The following CSTF3 variants were observed in gnomAD, a reference collection of about 807,000 sequenced individuals.
CSTF3 encodes the protein cleavage stimulation factor subunit 3.
Under a neutral mutation model 105.8 loss-of-function variants are expected in CSTF3, and 29 were observed. The ratio of observed to expected loss-of-function variants is 0.27; its 90% CI spans 0.20 to 0.37. The LOEUF is 0.37. Ranked by LOEUF, CSTF3 falls within the 10% of genes least tolerant of loss-of-function variation. The pLI, the probability that CSTF3 is intolerant of heterozygous loss-of-function variation, is 1.00. For missense variants in CSTF3, 357 were observed against 879.3 expected (o/e 0.41, Z 7.51); for synonymous variants, 252 against 281.9 (o/e 0.89, Z 1.06).
Position 33,112,713 on chromosome 11 carries a change from A to C in CSTF3, c.226-4295T>G, listed in dbSNP as rs151110798. On this transcript the variant is annotated intron_variant, in intron 3 of 20. Transcript: ENST00000323959. ...AAGATTATTATCCTATGTATTACTT[A>C]CTAATATTTACATGAAAACATCTTA... Among the ~76,000 whole-genome samples, 19 of 152,278 alleles carry C rather than the reference A, an allele frequency of 1.2e-4. No individual in the cohort carries two copies. The East Asian group carries it at 2.7e-3, about 22-fold the overall frequency.
Position 33,111,138 on chromosome 11 carries a change from G to A in CSTF3, c.226-2720C>T, listed in dbSNP as rs201774223. Among the ~76,000 whole-genome samples the A allele has an allele frequency of 2.0e-4, 31 of 152,270 alleles. No homozygotes were observed. In the East Asian group the frequency reaches 6.0e-3, roughly 29 times the overall value. On this transcript the variant is annotated intron_variant, in intron 3 of 20. Coordinates refer to ENST00000323959, the MANE Select transcript of CSTF3 (RefSeq NM_001326.3). ...CCAGCTACTCGGGAGGCTGAGGCAG[G>A]AGAATCACTTGAACCCGGGAGGCAG...
chr11:33,123,738 AAGG>A (rs1328671895), intron 3 of CSTF3, among the ~76,000 whole-genome samples: 5 of 152,158 alleles, frequency 3.3e-5, no homozygotes, highest in African/African-American at 1.2e-4. Context: ...TATTAATGTA[AAGG>A]ACAGAACACA....
chr11:33,088,601 GTTTATT>G (rs1855132286), intron 17 of CSTF3, among the ~76,000 whole-genome samples: 1 of 151,170 alleles, frequency 6.6e-6, no homozygotes, highest in African/African-American at 2.4e-5. Flanking sequence ...TTTCTTTTCT[GTTTATT>G]TTTATTTTTT....
intron 9 of CSTF3, 73 bp downstream of exon 9, chr11:33,103,034 C>T: frequency 1.0e-6 from 1 of 968,394 alleles, no homozygotes; most frequent in Non-Finnish European, 1.6e-6. Context: ...AAGAGTAATA[C>T]CAGACAGGGA....
chr11:33,108,531 A>C, intron 3 of CSTF3, 113 bp from the exon 4 acceptor site: 1 of 747,780 alleles, frequency 1.3e-6, no homozygotes, highest in Non-Finnish European at 1.9e-6. Flanking sequence ...TTTCTTATTA[A>C]TTTTTCTGTT....
chr11:33,135,343 A>C (rs1855642467), intron 3 of CSTF3, among the ~76,000 whole-genome samples: 1 of 152,162 alleles, frequency 6.6e-6, no homozygotes, highest in Non-Finnish European at 1.5e-5. Context: ...TGTCCAGGCA[A>C]GTATAGGAAA....
chr11:33,109,593 G>C (rs956205121), intron 3 of CSTF3, among the ~76,000 whole-genome samples: 34 of 151,998 alleles, frequency 2.2e-4, no homozygotes, highest in African/African-American at 7.3e-4. Context: ...TGATTAAGGG[G>C]GATAATAATA....
chr11:33,121,998 C>A (rs1855494300), intron 3 of CSTF3, among the ~76,000 whole-genome samples: 1 of 152,136 alleles, frequency 6.6e-6, no homozygotes, highest in Non-Finnish European at 1.5e-5. Context: ...CCAATCAATA[C>A]CTAAACCTGA....
intron 3 of CSTF3, 22 bp from the exon 4 acceptor site, chr11:33,108,440 T>C (rs201713270): frequency 4.1e-5 from 60 of 1,445,884 alleles, no homozygotes; most frequent in African/African-American, 1.3e-4. Context: ...CAGAAAAATA[T>C]AGAATTAATA....
At chr11:33,151,176 T>C (rs1245197963) in intron 1 of CSTF3, among the ~76,000 whole-genome samples, 4 of 151,986 alleles carry the variant, frequency 2.6e-5, no homozygotes, top group Admixed American at 1.3e-4. Context: ...ATACAATATG[T>C]GTTCTTTTTG....
intron 8 of CSTF3, among the ~76,000 whole-genome samples, chr11:33,104,789 T>C (rs1855311861): frequency 6.6e-6 from 1 of 152,166 alleles, no homozygotes; most frequent in Non-Finnish European, 1.5e-5. Context: ...AAAAAATTCT[T>C]TGTGATCTTC....
chr11:33,145,237 A>G (rs1855766720), intron 1 of CSTF3, among the ~76,000 whole-genome samples: 1 of 151,778 alleles, frequency 6.6e-6, no homozygotes, highest in African/African-American at 2.4e-5. Flanking sequence ...GGAGTCTGAG[A>G]CTAACCTCAG....
chr11:33,138,431 T>A (rs532365116), intron 3 of CSTF3, among the ~76,000 whole-genome samples: 20 of 151,864 alleles, frequency 1.3e-4, no homozygotes, highest in Non-Finnish European at 2.7e-4. Flanking sequence ...TGTGATTATT[T>A]AGTGACCTTT....
intron 1 of CSTF3, among the ~76,000 whole-genome samples, chr11:33,156,369 A>G (rs1849866114): frequency 6.6e-6 from 1 of 152,204 alleles, no homozygotes; most frequent in African/African-American, 2.4e-5. Context: ...TGTTACTTCT[A>G]AACAGCTTAA....
At chr11:33,085,363 T>TTTATAGTTTA (rs1328203027) in intron 20 of CSTF3, 74 bp from the exon 21 acceptor site, 1 of 1,121,714 alleles carries the variant, frequency 8.9e-7, no homozygotes, top group African/African-American at 2.8e-5. Context: ...CTGTGGATAC[T>TTTATAGTTTA]TTATTTCATA....
rs750331923 is a variant in CSTF3 at position 33,096,357 on chromosome 11, C to T, written c.1324G>A (p.Asp442Asn). The T allele has an allele frequency of 6.2e-7, 1 of 1,601,814 alleles. No homozygotes were observed. Among genetic ancestry groups the T allele is most frequent in the South Asian group, 1.1e-5 (1 of 87,614 alleles). Residue 442 changes from aspartate (D) to asparagine (N), a missense_variant, in exon 15 of 21, where the codon GAC becomes AAC. Transcript: ENST00000323959. ...IFELGLKKYGDIPEYVLAYID... is the reference protein window; with the variant it reads ...IFELGLKKYGNIPEYVLAYID... ...TAGGCCAGGACATACTCTGGAATGT[C>T]TCCATATTTTTTTAGCCCCAGCTCA...
At chr11:33,094,987 C>G (rs1045299186) in intron 15 of CSTF3, among the ~76,000 whole-genome samples, 3 of 152,308 alleles carry the variant, frequency 2.0e-5, no homozygotes, top group South Asian at 4.1e-4. Flanking sequence ...CAGCCTCCCC[C>G]TCCAGGGTTC....
At chr11:33,146,768 C>A (rs1355394394) in intron 1 of CSTF3, among the ~76,000 whole-genome samples, 1 of 151,856 alleles carries the variant, frequency 6.6e-6, no homozygotes, top group Admixed American at 6.6e-5. Context: ...GAGAAATATT[C>A]ACTCAGTGCC....
chr11:33,132,954 CAT>C lies in CSTF3; in HGVS notation c.225+8711_225+8712del, dbSNP rs530944366. 2.1e-4 allele frequency among the ~76,000 whole-genome samples: 32 copies of C among 151,966 alleles called. No individual in the cohort carries two copies. The South Asian group carries it at 6.6e-3, about 31-fold the overall frequency. ...CAGTTTATATATAATATATATGTAA[CAT>C]ACAATATATATAACCTAATGCTTGA... is the stretch of plus-strand genomic sequence containing the variant. On this transcript the variant is annotated intron_variant, in intron 3 of 20. Transcript: ENST00000323959.
Sources: gnomAD v4.1 joint callset for allele counts (sites outside exome capture counted in the v4.1 genomes callset) on GRCh38, gnomAD v4.1.1 for gene constraint, MANE v1.5 for transcripts, NCBI Gene and HGNC (gene_info 2026-07-23, HGNC 2026-07-21) for gene names.